Variants in TM9SF4 observed in about 807,000 individuals in gnomAD.
The protein encoded by TM9SF4 is dinucleotide oxidase disulfide thiol exchanger 3 superfamily member 4.
Under a neutral mutation model 90.4 loss-of-function variants are expected in TM9SF4, and 26 were observed. The ratio of observed to expected loss-of-function variants is 0.29; its 90% CI spans 0.21 to 0.40. The LOEUF (loss-of-function observed/expected upper bound fraction) is 0.40, where lower values mean the gene tolerates loss of function less well. Ranked by LOEUF, TM9SF4 falls within the 10% of genes least tolerant of loss-of-function variation. The pLI, the probability that TM9SF4 is intolerant of heterozygous loss-of-function variation, is 1.00. For missense variants in TM9SF4, 549 were observed against 834.8 expected, an observed-to-expected ratio of 0.66 and a Z score of 4.22; for synonymous variants, 293 against 315.4, an observed-to-expected ratio of 0.93 and a Z score of 0.75.
rs1392367058 is a variant in TM9SF4, at chr20:32,146,827, T to C, written c.926T>C (p.Ile309Thr). Residue 309 changes from isoleucine (I) to threonine (T), a missense_variant, in exon 9 of 18, where the codon ATT (isoleucine) becomes ACT (threonine). Physicochemically the swap from Ile to Thr is moderately conservative, Grantham distance 89 (BLOSUM62 -1). Transcript: ENST00000398022. ...ATCATTCGGACCCTCCGGAAGGACATTGCCAACTACAACAAGGAGGATGAC... is the reference window on the plus strand; with the variant it reads ...ATCATTCGGACCCTCCGGAAGGACACTGCCAACTACAACAAGGAGGATGAC... ...MIIIRTLRKD[I>T]ANYNKEDDIE... The C allele has an allele frequency of 1.2e-6, 2 of 1,613,966 alleles. No homozygotes were observed. Among genetic ancestry groups the C allele is most frequent in the African/African-American group, 1.3e-5 (1 of 75,018 alleles).
intron 1 of TM9SF4, among the ~76,000 whole-genome samples, chr20:32,123,856 A>T (rs1344941611): frequency 3.4e-5 from 2 of 59,626 alleles, no homozygotes; most frequent in African/African-American, 2.2e-4. Flanking sequence ...ATATATATAT[A>T]TATATATATA....
In TM9SF4 at chr20:32,143,433, G is replaced by A. The variant is rs78416660; in HGVS notation, c.652+328G>A. On this transcript the variant is annotated intron_variant, in intron 6 of 17. Transcript: ENST00000398022. ...AAACAGCAAGTTGGGGCTTTGTTGG[G>A]CCTCCTCACAAGAACCAGCCAGCTC... 5.8e-4 allele frequency among the ~76,000 whole-genome samples: 88 copies of A among 152,318 alleles called. No individual in the cohort carries two copies. In the East Asian group the frequency reaches 0.014, roughly 24 times the overall value.
chr20:32,124,187 A>T (rs1002373234), intron 1 of TM9SF4, among the ~76,000 whole-genome samples: 10 of 152,062 alleles, frequency 6.6e-5, no homozygotes, highest in African/African-American at 2.2e-4. Flanking sequence ...ATGTTTAGTA[A>T]AACTAGCCTG....
Position 32,124,057 on chromosome 20 carries a change from T to A in TM9SF4, c.16-8956T>A, listed in dbSNP as rs2046383092. 5.9e-5 allele frequency among the ~76,000 whole-genome samples: 9 copies of A among 151,364 alleles called. No homozygotes were observed. In the South Asian group the frequency reaches 1.9e-3, roughly 32 times the overall value. On this transcript the variant is annotated intron_variant, in intron 1 of 17. Transcript: ENST00000398022. ...TTTAAATAATTTTGTAGAGACAAGG[T>A]CTCACTATTTTGTCCAGGCTGTTCT...
At chr20:32,116,569 G>A (rs1045434736) in intron 1 of TM9SF4, 1 of 152,198 alleles carries the variant, frequency 6.6e-6, no homozygotes, top group Non-Finnish European at 1.5e-5. Flanking sequence ...TCTTTCATGT[G>A]TCTCTGTTCA....
In TM9SF4 at chr20:32,141,818, G is replaced by A; in HGVS notation, c.451G>A (p.Asp151Asn). The change falls in exon 5 of 18, where the codon GAC (aspartate) becomes AAC (asparagine). Residue 151 changes from aspartate to asparagine, a missense_variant. Transcript: ENST00000398022. ...ATRLELYSNR[D>N]SDDKKKEKDV... The stretch of plus-strand genomic sequence containing the variant: ...CCGGCTGGAGCTCTACTCCAACCGA[G>A]ACAGCGATGACAAGAAGAAGGAAAA... The A allele has an allele frequency of 6.2e-7, 1 of 1,614,132 alleles. No homozygotes were observed. The highest frequency in any genetic ancestry group is 2.2e-5 in the East Asian group (1 of 44,882).
At chr20:32,148,514 T>TG (rs2046795191) in intron 9 of TM9SF4, among the ~76,000 whole-genome samples, 1 of 151,866 alleles carries the variant, frequency 6.6e-6, no homozygotes, top group Admixed American at 6.6e-5. Flanking sequence ...GCCCAGGAGT[T>TG]CAAGACCAGC....
At chr20:32,111,087 T>G (rs2046135858) in intron 1 of TM9SF4, among the ~76,000 whole-genome samples, 2 of 152,218 alleles carry the variant, frequency 1.3e-5, no homozygotes, top group African/African-American at 2.4e-5. Flanking sequence ...TCCCTCCTTC[T>G]CTTAGCTGAC....
intron 1 of TM9SF4, among the ~76,000 whole-genome samples, chr20:32,119,612 C>G (rs2046276172): frequency 6.6e-6 from 1 of 151,954 alleles, no homozygotes; most frequent in Non-Finnish European, 1.5e-5. Context: ...TTCCACTAGT[C>G]TTTGGCCCAT....
chr20:32,123,866 A>ATATATATATATATATATATATTTTTTTTT, intron 1 of TM9SF4, among the ~76,000 whole-genome samples: 17 of 93,950 alleles, frequency 1.8e-4, no homozygotes, highest in African/African-American at 7.3e-4. Context: ...ATATATATAT[A>ATATATATATATATATATATATTTTTTTTT]TTTTTTTTTT....
intron 2 of TM9SF4, among the ~76,000 whole-genome samples, chr20:32,133,512 A>G (rs1214680567): frequency 3.3e-5 from 5 of 152,100 alleles, no homozygotes; most frequent in African/African-American, 7.2e-5. Flanking sequence ...CAGCTTTGTC[A>G]GCATAACTCC....
At chr20:32,131,015 T>A (rs980469448) in intron 1 of TM9SF4, among the ~76,000 whole-genome samples, 10 of 151,384 alleles carry the variant, frequency 6.6e-5, no homozygotes, top group South Asian at 4.2e-4. Flanking sequence ...AAAGTTCTTT[T>A]AAAAAAAAAT....
intron 1 of TM9SF4, among the ~76,000 whole-genome samples, chr20:32,124,164 G>T (rs1252255374): frequency 6.6e-6 from 1 of 151,984 alleles, no homozygotes; most frequent in Non-Finnish European, 1.5e-5. Flanking sequence ...GGCCTGGGTA[G>T]GTCTACATTT....
chr20:32,164,824 C>A (rs562492174), intron 17 of TM9SF4, among the ~76,000 whole-genome samples: 1 of 152,162 alleles, frequency 6.6e-6, no homozygotes, highest in African/African-American at 2.4e-5. Context: ...CAAAATGCTC[C>A]AAGATCAAAA....
chr20:32,125,681 CTTTTTTTTTT>C (rs11470673), intron 1 of TM9SF4, among the ~76,000 whole-genome samples: 4 of 108,950 alleles, frequency 3.7e-5, no homozygotes, highest in East Asian at 2.9e-4. Context: ...TCTCTTTTTT[CTTTTTTTTTT>C]TTTTTTTTTT....
rs753945963 is a variant in TM9SF4 at position 32,161,405 on chromosome 20, G to T, written c.1779+40G>T. On this transcript the variant is annotated intron_variant, in intron 17 of 17. Coordinates refer to ENST00000398022, the MANE Select transcript of TM9SF4 (RefSeq NM_014742.4). ...GAGGAGGTCCTCTTAGTCCTCATAG[G>T]GTAGGAAGGTCAGGAGGAGGATGCT... is the stretch of plus-strand genomic sequence containing the variant. 3 of 1,582,414 alleles carry T rather than the reference G, an allele frequency of 1.9e-6. No homozygotes were observed. In the South Asian group the frequency reaches 3.3e-5, roughly 18 times the overall value.
At position 32,141,874 on chromosome 20, in the gene TM9SF4, C is replaced by T. The variant is rs148732332; in HGVS notation, c.507C>T (p.Leu169=). 127 of 1,614,102 alleles carry T rather than the reference C, an allele frequency of 7.9e-5. No individual in the cohort carries two copies. The African/African-American group carries it at 1.2e-3, about 15-fold the overall frequency. Residue 169 remains leucine (L), a synonymous_variant, in exon 5 of 18, where the codon CTC becomes CTT. Coordinates refer to ENST00000398022, the MANE Select transcript of TM9SF4 (RefSeq NM_014742.4). The part of the protein sequence containing the change: ...KDVQFEHGYR[L]GFTDVNKIYL... The stretch of plus-strand genomic sequence containing the variant: ...TGCAGTTTGAACACGGCTACCGGCT[C>T]GGCTTCACAGATGTCAACAAGGTAG...
chr20:32,117,464 A>G (rs946002121), intron 1 of TM9SF4, among the ~76,000 whole-genome samples: 1 of 152,162 alleles, frequency 6.6e-6, no homozygotes, highest in Non-Finnish European at 1.5e-5. Context: ...AGTGAATGAA[A>G]TAATTTTTCG....
chr20:32,153,514 C>T (rs182608038), intron 12 of TM9SF4, among the ~76,000 whole-genome samples: 37 of 152,174 alleles, frequency 2.4e-4, no homozygotes, highest in Admixed American at 1.0e-3. Context: ...TTTGGGAGGC[C>T]GAGGCAGGAG....
Sources: gnomAD v4.1 joint callset for allele counts (sites outside exome capture counted in the v4.1 genomes callset) on GRCh38, gnomAD v4.1.1 for gene constraint, MANE v1.5 for transcripts, NCBI Gene and HGNC (gene_info 2026-07-23, HGNC 2026-07-21) for gene names.